ENTPD1: variants seen among roughly 807,000 people sequenced by gnomAD.
ENTPD1 encodes the protein ATP diphosphohydrolase.
Under a neutral mutation model 57.0 loss-of-function variants are expected in ENTPD1, and 33 were observed. The observed-to-expected ratio is 0.58, with a 90% CI of 0.44 to 0.77. The LOEUF is 0.77. ENTPD1 is among the 30% of genes least tolerant of loss of function. The pLI is 0.00. For missense variants in ENTPD1, 501 were observed against 603.4 expected (o/e 0.83, Z 1.78); for synonymous variants, 202 against 218.8 (o/e 0.92, Z 0.68).
intron 1 of ENTPD1, among the ~76,000 whole-genome samples, chr10:95,774,817 C>T (rs886367777): frequency 2.0e-5 from 3 of 152,110 alleles, no homozygotes; most frequent in Non-Finnish European, 4.4e-5. Context: ...AATGTGGGCT[C>T]TTTTTTGGTT....
rs1201328745 is a variant in ENTPD1, at chr10:95,874,864, C to T, written c.*8481C>T. Among the ~76,000 whole-genome samples the T allele has an allele frequency of 6.6e-6, 1 of 152,274 alleles. No homozygotes were observed. Among genetic ancestry groups the T allele is most frequent in the Non-Finnish European group, 1.5e-5 (1 of 68,048 alleles). On this transcript the variant is annotated 3_prime_UTR_variant, in exon 10 of 10. Coordinates refer to ENST00000371205, the MANE Select transcript of ENTPD1 (RefSeq NM_001776.6). The stretch of plus-strand genomic sequence containing the variant: ...TGCCAATGCTTGGGGCCTCTACCCT[C>T]TGAAGCCACAGCCCAAGCTCTATGT...
At chr10:95,725,674 C>T (rs1242541888) in intron 1 of ENTPD1, among the ~76,000 whole-genome samples, 1 of 152,180 alleles carries the variant, frequency 6.6e-6, no homozygotes, top group Non-Finnish European at 1.5e-5. Context: ...ACTGAGTCCA[C>T]AGGGATTCCA....
chr10:95,758,821 C>T (rs1418593779), intron 1 of ENTPD1, among the ~76,000 whole-genome samples: 1 of 152,166 alleles, frequency 6.6e-6, no homozygotes, highest in Non-Finnish European at 1.5e-5. Flanking sequence ...TGGACATATG[C>T]TGAGTACTGA....
At chr10:95,813,338 C>A (rs1009982974) in intron 1 of ENTPD1, among the ~76,000 whole-genome samples, 1 of 152,182 alleles carries the variant, frequency 6.6e-6, no homozygotes, top group Admixed American at 6.5e-5. Flanking sequence ...GAGCCTTCTG[C>A]TTCTCCATGT....
intron 1 of ENTPD1, among the ~76,000 whole-genome samples, chr10:95,732,614 G>A (rs1398995134): frequency 1.3e-5 from 2 of 152,096 alleles, no homozygotes; most frequent in Non-Finnish European, 2.9e-5. Context: ...CCTTATCAGG[G>A]GAACCCGCCC....
At position 95,868,757 on chromosome 10, in the gene ENTPD1, A is replaced by G. The variant is rs1317805732; in HGVS notation, c.*2374A>G. 1 of 985,208 alleles carries G rather than the reference A, an allele frequency of 1.0e-6. No individual in the cohort carries two copies. Among genetic ancestry groups the G allele is most frequent in the East Asian group, 1.1e-4 (1 of 8,816 alleles). The allele number at this position is 985,208 out of a possible 1,614,324, so 61.0% of individuals were successfully genotyped here. ...TCTTTTCTAAACACTTTCCCTCAGC[A>G]AGTTGGAATTAGACTTCACAAGTCT... On this transcript the variant is annotated 3_prime_UTR_variant, in exon 10 of 10. Coordinates refer to ENST00000371205, the MANE Select transcript of ENTPD1 (RefSeq NM_001776.6).
At chr10:95,803,218 C>T (rs932828896) in intron 1 of ENTPD1, among the ~76,000 whole-genome samples, 2 of 151,906 alleles carry the variant, frequency 1.3e-5, no homozygotes, top group South Asian at 2.1e-4. Flanking sequence ...TTGTTTGTGT[C>T]ATCTTTGGCT....
intron 9 of ENTPD1, among the ~76,000 whole-genome samples, chr10:95,865,787 A>C (rs1247483078): frequency 6.6e-6 from 1 of 152,058 alleles, no homozygotes; most frequent in Admixed American, 6.5e-5. Context: ...TTTTTTTAAG[A>C]GACATGGTCT....
In ENTPD1 at chr10:95,847,656, C is replaced by T. The variant is rs888180531; in HGVS notation, c.1024C>T (p.Gln342Ter). 3 of 1,614,190 alleles carry T rather than the reference C, an allele frequency of 1.9e-6. No homozygotes were observed. Among genetic ancestry groups the T allele is most frequent in the Non-Finnish European group, 2.5e-6 (3 of 1,180,036 alleles). ...CAACACCAGTTACTGCCCTTACTCC[C>T]AGTGTGCCTTCAATGGGATTTTCTT... Reference protein sequence around the residue: ...LFNTSYCPYSQCAFNGIFLPP... With the variant: ...LFNTSYCPYS Residue 342 changes from glutamine (Q) to a stop codon, truncating the protein, a stop_gained, in exon 7 of 10, where the codon CAG becomes TAG. Coordinates refer to ENST00000371205, the MANE Select transcript of ENTPD1 (RefSeq NM_001776.6). LOFTEE classifies it high-confidence loss of function.
rs928760364 is a variant in ENTPD1 at position 95,873,355 on chromosome 10, G to T, written c.*6972G>T. On this transcript the variant is annotated 3_prime_UTR_variant, in exon 10 of 10. Transcript: ENST00000371205. ...AATCCAAGTGTTTCTTTTGTCAGTT[G>T]TCTGTGCCCCAGGAGATCCCTCTCT... 89 of 985,366 alleles carry T rather than the reference G, an allele frequency of 9.0e-5. No homozygotes were observed. Among genetic ancestry groups the T allele is most frequent in the Non-Finnish European group, 7.6e-5 (63 of 830,014 alleles). The allele number at this position is 985,366 out of a possible 1,614,324, so 61.0% of individuals were successfully genotyped here. A position where few individuals can be genotyped will look rare whatever the true frequency, so the allele number is the denominator to read the frequency against.
chr10:95,844,756 G>A, intron 5 of ENTPD1, 121 bp downstream of exon 5: 1 of 1,208,442 alleles, frequency 8.3e-7, no homozygotes, highest in Non-Finnish European at 1.2e-6. Context: ...TGGATGGATG[G>A]ATGACTGGAT....
the ENTPD1 span, among the ~76,000 whole-genome samples, chr10:95,706,209 A>G: frequency 6.6e-6 from 1 of 152,074 alleles, no homozygotes; most frequent in Non-Finnish European, 1.5e-5. Context: ...ACTGCCTTAT[A>G]TTATTAGAAT....
chr10:95,799,751 C>G (rs1416752078), intron 1 of ENTPD1, among the ~76,000 whole-genome samples: 1 of 152,198 alleles, frequency 6.6e-6, no homozygotes, highest in Non-Finnish European at 1.5e-5. Flanking sequence ...TACACTACCA[C>G]CAATTGTGTA....
rs2098478365 is a variant in ENTPD1 at position 95,869,682 on chromosome 10, T to A, written c.*3299T>A. ...TAAGAAATATGTAAATAAAATTTTT[T>A]AAAATTACACTTCATTTTAATGTTG... On this transcript the variant is annotated 3_prime_UTR_variant, in exon 10 of 10. Coordinates refer to ENST00000371205, the MANE Select transcript of ENTPD1 (RefSeq NM_001776.6). 5 of 969,880 alleles carry A rather than the reference T, an allele frequency of 5.2e-6. No homozygotes were observed. Among genetic ancestry groups the A allele is most frequent in the South Asian group, 4.8e-5 (1 of 20,978 alleles). The allele number at this position is 969,880 out of a possible 1,614,324, so 60.1% of individuals were successfully genotyped here. A position where few individuals can be genotyped will look rare whatever the true frequency, so the allele number is the denominator to read the frequency against.
intron 2 of ENTPD1, among the ~76,000 whole-genome samples, chr10:95,823,800 TA>T (rs1337833661): frequency 6.6e-6 from 1 of 152,228 alleles, no homozygotes; most frequent in Admixed American, 6.5e-5. Flanking sequence ...CAACTCTGTA[TA>T]AAGTACTTTG....
chr10:95,872,015 C>A lies in ENTPD1; in HGVS notation c.*5632C>A. ...CCTGTGTTTTACATGATTAATGCCA[C>A]CCCTGCCTCAATGAACCAAGATCAG... is the stretch of plus-strand genomic sequence containing the variant. On this transcript the variant is annotated 3_prime_UTR_variant, in exon 10 of 10. Transcript: ENST00000371205. The A allele has an allele frequency of 3.0e-6, 3 of 985,432 alleles. No individual in the cohort carries two copies. Among genetic ancestry groups the A allele is most frequent in the Non-Finnish European group, 3.6e-6 (3 of 829,934 alleles). The allele number at this position is 985,432 out of a possible 1,614,324, so 61.0% of individuals were successfully genotyped here.
chr10:95,860,693 A>AT, intron 8 of ENTPD1, 111 bp downstream of exon 8: 1 of 888,026 alleles, frequency 1.1e-6, no homozygotes, highest in South Asian at 1.4e-5. Flanking sequence ...AGATCCAGCA[A>AT]ATGTGTTAGA....
intron 6 of ENTPD1, chr10:95,845,919 A>G (rs932976662): frequency 5.4e-6 from 2 of 369,100 alleles, no homozygotes; most frequent in African/African-American, 4.1e-5. Context: ...ATTGCAATTT[A>G]TAAGCTCTTT....
At position 95,770,759 on chromosome 10, in the gene ENTPD1, GGGA is replaced by G. The variant is rs149238871; in HGVS notation, c.16+14509_16+14511del. Among the ~76,000 whole-genome samples, 527 of 152,266 alleles carry G rather than the reference GGGA, an allele frequency of 3.5e-3. 4 individuals are homozygous for G. The highest frequency in any genetic ancestry group is 0.012 in the African/African-American group (502 of 41,542). On this transcript the variant is annotated intron_variant, in intron 1 of 9. Coordinates refer to ENST00000371205, the MANE Select transcript of ENTPD1 (RefSeq NM_001776.6). The stretch of plus-strand genomic sequence containing the variant: ...CAAAACTAATGGAGGATTAGGGCTG[GGGA>G]GGAGTAGAAGATCACATTTCAAATG...
Sources: gnomAD v4.1 joint callset for allele counts (sites outside exome capture counted in the v4.1 genomes callset) on GRCh38, gnomAD v4.1.1 for gene constraint, MANE v1.5 for transcripts, NCBI Gene and HGNC (gene_info 2026-07-23, HGNC 2026-07-21) for gene names.